BCL2: variants seen among roughly 807,000 people sequenced by gnomAD.
The protein encoded by BCL2 is BCL2 apoptosis regulator.
In BCL2, 1 loss-of-function variant was observed where a neutral mutation model predicts 14.2. The observed-to-expected ratio is 0.07, with a 90% CI of 0.02 to 0.33. The LOEUF (loss-of-function observed/expected upper bound fraction) is 0.33, where lower values mean the gene tolerates loss of function less well. Among genes scored for constraint, BCL2 ranks in the 10% least tolerant of loss-of-function variants. The probability of loss-of-function intolerance (pLI) is 0.99; values close to 1 mark genes in which losing one functional copy is unlikely to be tolerated. For missense variants in BCL2, 247 were observed against 305.9 expected, an observed-to-expected ratio of 0.81 and a Z score of 1.44; for synonymous variants, 151 against 137.2, an observed-to-expected ratio of 1.10 and a Z score of -0.70.
intron 2 of BCL2, among the ~76,000 whole-genome samples, chr18:63,179,468 C>T (rs1213450275): frequency 6.6e-6 from 1 of 152,122 alleles, no homozygotes; most frequent in Non-Finnish European, 1.5e-5. Flanking sequence ...TCTGTGCCTG[C>T]TATAATACAC....
At chr18:63,169,361 C>CTTTCTTTCTTTCTT (rs1455512787) in intron 2 of BCL2, among the ~76,000 whole-genome samples, 2 of 60,526 alleles carry the variant, frequency 3.3e-5, no homozygotes, top group Non-Finnish European at 6.1e-5. Flanking sequence ...TTCTTTCTTT[C>CTTTCTTTCTTTCTT]TTTCTTTCTC....
chr18:63,192,419 AT>A (rs1909313959), intron 2 of BCL2, among the ~76,000 whole-genome samples: 1 of 152,162 alleles, frequency 6.6e-6, no homozygotes, highest in African/African-American at 2.4e-5. Context: ...GCAGTGTAAG[AT>A]TTTGGAAATC....
At chr18:63,167,242 T>C (rs1179249531) in intron 2 of BCL2, among the ~76,000 whole-genome samples, 1 of 152,190 alleles carries the variant, frequency 6.6e-6, no homozygotes, top group African/African-American at 2.4e-5. Context: ...TTCTCTTTCA[T>C]CTATCTATTC....
At chr18:63,205,181 T>TTA (rs2144667844) in intron 2 of BCL2, among the ~76,000 whole-genome samples, 1 of 152,342 alleles carries the variant, frequency 6.6e-6, no homozygotes, top group African/African-American at 2.4e-5. Flanking sequence ...AAACTGACGA[T>TTA]TATAATTCTG....
intron 2 of BCL2, among the ~76,000 whole-genome samples, chr18:63,311,694 T>C (rs1913326415): frequency 6.6e-6 from 1 of 152,104 alleles, no homozygotes; most frequent in African/African-American, 2.4e-5. Flanking sequence ...GAAACACAAA[T>C]TTCCCCATTG....
Position 63,224,575 on chromosome 18 carries a change from A to C in BCL2, c.585+93507T>G, listed in dbSNP as rs557219107. On this transcript the variant is annotated intron_variant, in intron 2 of 2. Coordinates refer to ENST00000333681, the MANE Select transcript of BCL2 (RefSeq NM_000633.3). ...CAAGACAGACAAGTCATCATGTGAC[A>C]CAACAGAATGAAGACAATTTCAGAC... 5.9e-5 allele frequency among the ~76,000 whole-genome samples: 9 copies of C among 152,376 alleles called. No homozygotes were observed. The East Asian group carries it at 1.3e-3, about 23-fold the overall frequency.
At chr18:63,217,954 A>G (rs555336207) in intron 2 of BCL2, among the ~76,000 whole-genome samples, 49 of 152,338 alleles carry the variant, frequency 3.2e-4, no homozygotes, top group Admixed American at 1.9e-3. Context: ...AAAATGTCAC[A>G]GAGTTGAGTT....
chr18:63,254,815 T>C (rs1053033900), intron 2 of BCL2, among the ~76,000 whole-genome samples: 1 of 152,212 alleles, frequency 6.6e-6, no homozygotes, highest in African/African-American at 2.4e-5. Flanking sequence ...TTCAAGTAGA[T>C]TGCCAGAAGG....
At chr18:63,194,093 G>A (rs932718073) in intron 2 of BCL2, among the ~76,000 whole-genome samples, 35 of 152,068 alleles carry the variant, frequency 2.3e-4, no homozygotes, top group African/African-American at 8.2e-4. Flanking sequence ...TTTATTTTTC[G>A]ATACAGTTAT....
Position 63,128,236 on chromosome 18 carries a change from C to T in BCL2, c.*389G>A, listed in dbSNP as rs559912455. The T allele has an allele frequency of 6.8e-5, 16 of 236,082 alleles. No individual in the cohort carries two copies. The highest frequency in any genetic ancestry group is 5.2e-4 in the South Asian group (3 of 5,746). 14.6% of individuals were successfully genotyped at this position (236,082 alleles called of 1,614,324 possible). A position where few individuals can be genotyped will look rare whatever the true frequency, so the allele number is the denominator to read the frequency against. On this transcript the variant is annotated 3_prime_UTR_variant, in exon 3 of 3. Transcript: ENST00000333681. ...TCCGTCTGCTCTTCAGATGGTGATC[C>T]GGCCAACAACATGGAAAGCGAATCT...
At chr18:63,243,785 T>C (rs1249403777) in intron 2 of BCL2, among the ~76,000 whole-genome samples, 1 of 152,224 alleles carries the variant, frequency 6.6e-6, no homozygotes, top group East Asian at 1.9e-4. Context: ...AAGGGACTAA[T>C]ATGACAAATT....
intron 2 of BCL2, among the ~76,000 whole-genome samples, chr18:63,265,519 C>G (rs1440055263): frequency 6.6e-6 from 1 of 152,170 alleles, no homozygotes; most frequent in African/African-American, 2.4e-5. Context: ...TTTGAAACAA[C>G]CTCACACACC....
At chr18:63,200,489 A>G (rs1464202612) in intron 2 of BCL2, among the ~76,000 whole-genome samples, 1 of 152,108 alleles carries the variant, frequency 6.6e-6, no homozygotes, top group African/African-American at 2.4e-5. Flanking sequence ...TTTATTCAGG[A>G]CAACAGATTG....
At chr18:63,164,061 G>A (rs1914984443) in intron 2 of BCL2, among the ~76,000 whole-genome samples, 1 of 151,412 alleles carries the variant, frequency 6.6e-6, no homozygotes, top group African/African-American at 2.4e-5. Context: ...ATGGTGAGAT[G>A]TCATCTTCCA....
intron 2 of BCL2, among the ~76,000 whole-genome samples, chr18:63,199,968 A>G (rs1389659525): frequency 6.6e-6 from 1 of 152,132 alleles, no homozygotes; most frequent in Non-Finnish European, 1.5e-5. Context: ...ACACACACGA[A>G]GGATATTTTC....
intron 2 of BCL2, among the ~76,000 whole-genome samples, chr18:63,193,625 CAT>C (rs371122221): frequency 0.027 from 4,017 of 148,176 alleles, 69 homozygotes; most frequent in Middle Eastern, 0.037. Flanking sequence ...CACACACACA[CAT>C]ACAAATACAC....
chr18:63,182,937 C>A (rs1008077114), intron 2 of BCL2, among the ~76,000 whole-genome samples: 154 of 152,208 alleles, frequency 1.0e-3, no homozygotes, highest in Non-Finnish European at 9.6e-4. Flanking sequence ...GAAACAGAGG[C>A]TTCCTGAAAT....
intron 2 of BCL2, among the ~76,000 whole-genome samples, chr18:63,232,717 C>G (rs550997174): frequency 6.6e-6 from 1 of 152,190 alleles, no homozygotes; most frequent in Non-Finnish European, 1.5e-5. Flanking sequence ...AATTTGGCAA[C>G]GCCTACCAAC....
intron 2 of BCL2, among the ~76,000 whole-genome samples, chr18:63,182,608 A>G (rs1213256802): frequency 3.9e-5 from 6 of 152,198 alleles, no homozygotes; most frequent in African/African-American, 1.4e-4. Context: ...CACCCTGCAT[A>G]TTAAACAGCC....
Sources: allele counts gnomAD v4.1 joint callset (sites outside exome capture counted in the v4.1 genomes callset), GRCh38; gene constraint gnomAD v4.1.1; transcripts MANE v1.5; gene names NCBI Gene and HGNC (gene_info 2026-07-23, HGNC 2026-07-21).